Variants in SPAG16 observed in about 807,000 individuals in gnomAD.
The protein encoded by SPAG16 is sperm-associated antigen 16 protein.
In SPAG16, 86 loss-of-function variants were observed where a neutral mutation model predicts 80.4. The observed-to-expected ratio is 1.07, with a 90% CI of 0.90 to 1.28. The LOEUF (loss-of-function observed/expected upper bound fraction) is 1.28. SPAG16 is among the 50% of genes most tolerant of loss of function. The probability of loss-of-function intolerance (pLI) is 0.00; values close to 1 mark genes in which losing one functional copy is unlikely to be tolerated. For missense variants in SPAG16, 870 were observed against 765.3 expected, an observed-to-expected ratio of 1.14 and a Z score of -1.61; for synonymous variants, 294 against 265.9, an observed-to-expected ratio of 1.11 and a Z score of -1.03.
chr2:214,013,996 C>T lies in SPAG16; in HGVS notation c.1446C>T (p.Asn482=). The T allele has an allele frequency of 6.2e-7, 1 of 1,613,494 alleles. No individual in the cohort carries two copies. Among genetic ancestry groups the T allele is most frequent in the East Asian group, 2.2e-5 (1 of 44,794 alleles). Reference sequence around the variant, plus strand: ...TGTATGGACATACAGATTCTGTGAACAGCATTGAGTTTTTTCCTTTCTCCA... The same window carrying T: ...TGTATGGACATACAGATTCTGTGAATAGCATTGAGTTTTTTCCTTTCTCCA... ...CTLYGHTDSV[N]SIEFFPFSNT... Residue 482 remains asparagine (N), a synonymous_variant, in exon 13 of 16, where the codon AAC becomes AAT. Transcript: ENST00000331683.
chr2:213,488,607 G>A (rs77568084), intron 9 of SPAG16, among the ~76,000 whole-genome samples: 2,947 of 152,010 alleles, frequency 0.019, 114 homozygotes, highest in African/African-American at 0.067. Context: ...ACAATAGAGC[G>A]TGCTTCCAAT....
At chr2:214,083,324 T>C (rs548701276) in intron 13 of SPAG16, among the ~76,000 whole-genome samples, 2 of 152,288 alleles carry the variant, frequency 1.3e-5, no homozygotes, top group African/African-American at 4.8e-5. Context: ...CCTGTGGGTA[T>C]ATGGATCAGT....
At chr2:213,670,333 CTG>C (rs1388511218) in intron 10 of SPAG16, among the ~76,000 whole-genome samples, 1 of 152,066 alleles carries the variant, frequency 6.6e-6, no homozygotes, top group Non-Finnish European at 1.5e-5. Flanking sequence ...CTGCCAATGA[CTG>C]TGGAAAAGGT....
At chr2:213,820,334 C>T (rs1362660632) in intron 10 of SPAG16, among the ~76,000 whole-genome samples, 1 of 151,804 alleles carries the variant, frequency 6.6e-6, no homozygotes. Flanking sequence ...GTTTGTATTT[C>T]TTTATTGATT....
At position 214,042,431 on chromosome 2, in the gene SPAG16, CAAAA is replaced by C. The variant is rs976137210; in HGVS notation, c.1527+28355_1527+28358del. On this transcript the variant is annotated intron_variant, in intron 13 of 15. Coordinates refer to ENST00000331683, the MANE Select transcript of SPAG16 (RefSeq NM_024532.5). ...TCCCATGAAGAAGTAAAAACAAAAA[CAAAA>C]CAACAACAACAACAACAACAACAAC... Among the ~76,000 whole-genome samples, 539 of 83,986 alleles carry C rather than the reference CAAAA, an allele frequency of 6.4e-3. 3 individuals are homozygous for C. The highest frequency in any genetic ancestry group is 0.018 in the African/African-American group (517 of 28,252). 55.1% of individuals were successfully genotyped at this position (83,986 alleles called of 152,430 possible).
chr2:214,133,621 C>A (rs1244882666), intron 14 of SPAG16, among the ~76,000 whole-genome samples: 2 of 152,128 alleles, frequency 1.3e-5, no homozygotes, highest in African/African-American at 2.4e-5. Flanking sequence ...CACACCACTG[C>A]ACTCCAGTCT....
intron 15 of SPAG16, among the ~76,000 whole-genome samples, chr2:214,241,662 A>G (rs1212116102): frequency 2.0e-5 from 3 of 152,324 alleles, no homozygotes; most frequent in East Asian, 3.9e-4. Context: ...TAATTTTTCT[A>G]TCAATCTAAA....
At chr2:213,706,975 A>G (rs1205236069) in intron 10 of SPAG16, among the ~76,000 whole-genome samples, 1 of 152,194 alleles carries the variant, frequency 6.6e-6, no homozygotes, top group Non-Finnish European at 1.5e-5. Flanking sequence ...AGCTTACCCC[A>G]GAGTAAGTGA....
intron 11 of SPAG16, among the ~76,000 whole-genome samples, chr2:213,868,106 T>A (rs1460171497): frequency 1.3e-5 from 2 of 152,002 alleles, no homozygotes; most frequent in Admixed American, 6.6e-5. Flanking sequence ...TCATACCCAG[T>A]AAATGATTAA....
chr2:214,004,934 A>G (rs1453662951), intron 12 of SPAG16, among the ~76,000 whole-genome samples: 1 of 152,180 alleles, frequency 6.6e-6, no homozygotes, highest in African/African-American at 2.4e-5. Flanking sequence ...TGAAATCACA[A>G]ATAATGAGGG....
At chr2:214,172,754 C>T (rs1019125413) in intron 15 of SPAG16, among the ~76,000 whole-genome samples, 28 of 152,160 alleles carry the variant, frequency 1.8e-4, no homozygotes, top group African/African-American at 6.5e-4. Context: ...ACATCCTCTC[C>T]AGCACCTGTT....
intron 13 of SPAG16, among the ~76,000 whole-genome samples, chr2:214,086,520 A>G (rs529292788): frequency 6.6e-6 from 1 of 152,218 alleles, no homozygotes; most frequent in East Asian, 1.9e-4. Context: ...ATAGTGAGTG[A>G]GTTCTCATGA....
At chr2:214,149,077 G>GTATA (rs1553515469) in intron 14 of SPAG16, 63 bp from the exon 15 acceptor site, 72,741 of 237,200 alleles carry the variant, frequency 0.31, 8,978 homozygotes, top group Non-Finnish European at 0.36. Context: ...GTGTGTGTGT[G>GTATA]TATATATATA....
rs74734245 is a variant in SPAG16, at chr2:214,001,771, T to A, written c.1401-12180T>A. Among the ~76,000 whole-genome samples, 1,470 of 152,282 alleles carry A rather than the reference T, an allele frequency of 9.7e-3. 25 individuals are homozygous for A. The highest frequency in any genetic ancestry group is 0.033 in the African/African-American group (1,350 of 41,536). On this transcript the variant is annotated intron_variant, in intron 12 of 15. Coordinates refer to ENST00000331683, the MANE Select transcript of SPAG16 (RefSeq NM_024532.5). ...CTCTTATTTTACTTTACACTGAAAG[T>A]AAAGTAAAATAAGGACTCAATGGTA...
At chr2:213,834,607 G>T (rs2073975232) in intron 10 of SPAG16, among the ~76,000 whole-genome samples, 1 of 152,106 alleles carries the variant, frequency 6.6e-6, no homozygotes, top group African/African-American at 2.4e-5. Flanking sequence ...TTGCTTTGTG[G>T]GAGGGGAGTT....
chr2:213,801,743 C>T (rs1168945938), intron 10 of SPAG16, among the ~76,000 whole-genome samples: 1 of 152,122 alleles, frequency 6.6e-6, no homozygotes, highest in Non-Finnish European at 1.5e-5. Context: ...AACTCATTTA[C>T]TTATGGTCAT....
intron 13 of SPAG16, among the ~76,000 whole-genome samples, chr2:214,027,008 G>C (rs1441252714): frequency 6.6e-6 from 1 of 151,006 alleles, no homozygotes; most frequent in Non-Finnish European, 1.5e-5. Flanking sequence ...AGTTTCATCT[G>C]TTTCAAAGAA....
chr2:214,196,647 T>TG (rs2057848395), intron 15 of SPAG16, among the ~76,000 whole-genome samples: 1 of 151,600 alleles, frequency 6.6e-6, no homozygotes, highest in African/African-American at 2.4e-5. Context: ...ACACAAAGAG[T>TG]GAAACCAGTC....
At chr2:213,728,802 G>T (rs955377308) in intron 10 of SPAG16, among the ~76,000 whole-genome samples, 3 of 146,794 alleles carry the variant, frequency 2.0e-5, no homozygotes, top group Non-Finnish European at 4.5e-5. Flanking sequence ...GCACGAACTC[G>T]GGAGGCAGAG....
Sources: allele counts gnomAD v4.1 joint callset (sites outside exome capture counted in the v4.1 genomes callset), GRCh38; gene constraint gnomAD v4.1.1; transcripts MANE v1.5; gene names NCBI Gene and HGNC (gene_info 2026-07-23, HGNC 2026-07-21).